ELMO1: variants seen among roughly 807,000 people sequenced by gnomAD.
The protein encoded by ELMO1 is engulfment and cell motility protein 1.
ELMO1 carries 26 observed loss-of-function variants against 98.9 expected under a neutral mutation model. The ratio of observed to expected loss-of-function variants is 0.26; its 90% CI spans 0.19 to 0.36. The LOEUF (loss-of-function observed/expected upper bound fraction) is 0.36, where lower values mean the gene tolerates loss of function less well. Ranked by LOEUF, ELMO1 falls within the 10% of genes least tolerant of loss-of-function variation. The pLI, the probability that ELMO1 is intolerant of heterozygous loss-of-function variation, is 1.00. For missense variants in ELMO1, 627 were observed against 935.2 expected, an observed-to-expected ratio of 0.67 and a Z score of 4.30; for synonymous variants, 346 against 346.0, an observed-to-expected ratio of 1.00 and a Z score of 0.00.
At chr7:37,225,650 A>C (rs1011042719) in intron 8 of ELMO1, among the ~76,000 whole-genome samples, 2 of 152,250 alleles carry the variant, frequency 1.3e-5, no homozygotes, top group African/African-American at 4.8e-5. Context: ...GCAAACAGGA[A>C]ATCATTTAAG....
intron 14 of ELMO1, among the ~76,000 whole-genome samples, chr7:37,131,530 A>T (rs1359264638): frequency 1.3e-5 from 2 of 152,224 alleles, no homozygotes; most frequent in African/African-American, 4.8e-5. Context: ...CTCATCCATG[A>T]ACATTAATCA....
intron 15 of ELMO1, among the ~76,000 whole-genome samples, chr7:37,047,185 TTGTC>T (rs1795841157): frequency 6.6e-6 from 1 of 152,216 alleles, no homozygotes; most frequent in Non-Finnish European, 1.5e-5. Flanking sequence ...CTATAGCACT[TTGTC>T]TGTAATACAA....
At chr7:37,112,565 AG>A (rs1490121806) in intron 14 of ELMO1, among the ~76,000 whole-genome samples, 1 of 152,256 alleles carries the variant, frequency 6.6e-6, no homozygotes, top group Non-Finnish European at 1.5e-5. Context: ...AAAAGTCTCC[AG>A]GTATCAGGAC....
chr7:37,040,623 GTA>G (rs1236216987), intron 15 of ELMO1, among the ~76,000 whole-genome samples: 5 of 152,276 alleles, frequency 3.3e-5, no homozygotes, highest in African/African-American at 1.2e-4. Flanking sequence ...ACCTAAAGTA[GTA>G]TATGTTTCAC....
At position 37,011,832 on chromosome 7, in the gene ELMO1, G is replaced by A. The variant is rs565227982; in HGVS notation, c.1437+1467C>T. On this transcript the variant is annotated intron_variant, in intron 16 of 21. Coordinates refer to ENST00000310758, the MANE Select transcript of ELMO1 (RefSeq NM_014800.11). ...CTCTTTTTTGGTTTGATTGAACAAA[G>A]GCCTCCCTGCTCCTCCTTCCCTCTT... Among the ~76,000 whole-genome samples the A allele has an allele frequency of 3.3e-5, 5 of 152,310 alleles. No individual in the cohort carries two copies. In the East Asian group the frequency reaches 7.7e-4, roughly 23 times the overall value.
At chr7:36,954,547 G>T (rs1355155750) in intron 16 of ELMO1, among the ~76,000 whole-genome samples, 1 of 152,128 alleles carries the variant, frequency 6.6e-6, no homozygotes, top group Non-Finnish European at 1.5e-5. Context: ...CACAACATAG[G>T]AGTTCAAAAA....
chr7:37,029,053 G>A (rs1421702284), intron 15 of ELMO1, among the ~76,000 whole-genome samples: 1 of 152,098 alleles, frequency 6.6e-6, no homozygotes, highest in Non-Finnish European at 1.5e-5. Flanking sequence ...TCACAGAGAG[G>A]CTAAGTGACT....
At chr7:37,118,130 C>T (rs865790324) in intron 14 of ELMO1, among the ~76,000 whole-genome samples, 20 of 152,260 alleles carry the variant, frequency 1.3e-4, no homozygotes, top group Middle Eastern at 6.8e-3. Context: ...CTTGGGGAAC[C>T]GCCAAATTCC....
At chr7:37,329,365 A>G (rs1034794651) in intron 2 of ELMO1, among the ~76,000 whole-genome samples, 2 of 152,228 alleles carry the variant, frequency 1.3e-5, no homozygotes, top group African/African-American at 4.8e-5. Context: ...CAGAGTAATT[A>G]GCATACCCAT....
intron 18 of ELMO1, among the ~76,000 whole-genome samples, chr7:36,885,496 G>C (rs778686806): frequency 4.6e-5 from 7 of 152,190 alleles, no homozygotes; most frequent in African/African-American, 9.7e-5. Context: ...AGGGACTCTA[G>C]CTGGGCAGCA....
intron 17 of ELMO1, among the ~76,000 whole-genome samples, chr7:36,892,756 C>G (rs182428709): frequency 4.6e-5 from 7 of 152,284 alleles, no homozygotes; most frequent in African/African-American, 1.7e-4. Context: ...GGGTCACTAT[C>G]AAACTGGTCC....
At chr7:37,139,213 C>G (rs2129306379) in intron 13 of ELMO1, among the ~76,000 whole-genome samples, 1 of 152,230 alleles carries the variant, frequency 6.6e-6, no homozygotes, top group South Asian at 2.1e-4. Flanking sequence ...ACTGGAAGTC[C>G]TAGCCAGAGC....
intron 4 of ELMO1, among the ~76,000 whole-genome samples, chr7:37,307,955 A>T (rs1258206840): frequency 2.0e-5 from 3 of 152,100 alleles, no homozygotes; most frequent in Non-Finnish European, 2.9e-5. Context: ...TCTACTAAAA[A>T]TACAAAAATT....
intron 13 of ELMO1, among the ~76,000 whole-genome samples, chr7:37,195,611 C>T (rs974139550): frequency 1.3e-5 from 2 of 152,236 alleles, no homozygotes; most frequent in African/African-American, 2.4e-5. Context: ...TTGCAGGAAT[C>T]TGTGATGCTT....
chr7:37,390,207 C>T (rs1803008005), intron 1 of ELMO1, among the ~76,000 whole-genome samples: 1 of 152,246 alleles, frequency 6.6e-6, no homozygotes, highest in African/African-American at 2.4e-5. Flanking sequence ...TATTTTGCAG[C>T]TGTCGCTATG....
intron 18 of ELMO1, among the ~76,000 whole-genome samples, chr7:36,879,368 C>T (rs1318270001): frequency 1.3e-5 from 2 of 152,258 alleles, no homozygotes; most frequent in Non-Finnish European, 2.9e-5. Context: ...CTTTGCACCA[C>T]TGTGCGGTTG....
chr7:37,187,529 A>C (rs912801672), intron 13 of ELMO1, among the ~76,000 whole-genome samples: 1 of 152,214 alleles, frequency 6.6e-6, no homozygotes, highest in African/African-American at 2.4e-5. Context: ...GATTAAATAA[A>C]ACTTCCCAAT....
chr7:36,921,837 C>T (rs1785174026), intron 16 of ELMO1, among the ~76,000 whole-genome samples: 1 of 152,178 alleles, frequency 6.6e-6, no homozygotes, highest in Admixed American at 6.5e-5. Flanking sequence ...TCACCTGGGG[C>T]ATTTGCTGGG....
chr7:36,952,512 T>C (rs1043259566), intron 16 of ELMO1, among the ~76,000 whole-genome samples: 2 of 152,156 alleles, frequency 1.3e-5, no homozygotes, highest in African/African-American at 4.8e-5. Context: ...AAACGTTTGA[T>C]TAATAAGGCA....
Sources: allele counts gnomAD v4.1 joint callset (sites outside exome capture counted in the v4.1 genomes callset), GRCh38; gene constraint gnomAD v4.1.1; transcripts MANE v1.5; gene names NCBI Gene and HGNC (gene_info 2026-07-23, HGNC 2026-07-21).